The following WDR64 variants were observed in gnomAD, a reference collection of about 807,000 sequenced individuals.
WDR64 encodes WD repeat domain 64.
WDR64 carries 112 observed loss-of-function variants against 139.3 expected under a neutral mutation model. The ratio of observed to expected loss-of-function variants is 0.80; its 90% confidence interval spans 0.69 to 0.94. The LOEUF (loss-of-function observed/expected upper bound fraction) is 0.94, where lower values mean the gene tolerates loss of function less well. Ranked by LOEUF, WDR64 falls within the 40% of genes least tolerant of loss-of-function variation. WDR64 has a pLI of 0.00. For missense variants in WDR64, 1,206 were observed against 1,293.1 expected, an observed-to-expected ratio of 0.93 and a Z score of 1.03; for synonymous variants, 444 against 437.7, an observed-to-expected ratio of 1.01 and a Z score of -0.18.
At position 241,738,594 on chromosome 1, in the gene WDR64, G is replaced by C. The variant is rs1171515133; in HGVS notation, c.1321+105G>C. On this transcript the variant is annotated intron_variant, in intron 11 of 27. Transcript: ENST00000437684. ...CTACAAGGAAAACAAAACTAGAAGG[G>C]TAATTTATCAAACCATGATTCGTGA... The C allele has an allele frequency of 2.6e-6, 3 of 1,173,514 alleles. No individual in the cohort carries two copies. In the East Asian group the frequency reaches 7.9e-5, roughly 31 times the overall value. The allele number at this position is 1,173,514 out of a possible 1,614,324, so 72.7% of individuals were successfully genotyped here.
chr1:241,724,528 T>C (rs879455702), intron 10 of WDR64, among the ~76,000 whole-genome samples: 11 of 152,210 alleles, frequency 7.2e-5, no homozygotes, highest in Admixed American at 1.3e-4. Context: ...GTTTGTTCAA[T>C]AAGTGTTGGG....
At position 241,652,462 on chromosome 1, in the gene WDR64, A is replaced by G. The variant is rs1033236697; in HGVS notation, c.-23A>G. ...ACTTGCAGTATTCTTTCTGTACAGA[A>G]GTAAAAGATCCCCTATGTCCCTATG... On this transcript the variant is annotated 5_prime_UTR_variant, in exon 1 of 28. Coordinates refer to ENST00000437684, the MANE Select transcript of WDR64 (RefSeq NM_001367482.1). The G allele has an allele frequency of 3.0e-5, 46 of 1,548,090 alleles. No homozygotes were observed. Among genetic ancestry groups the G allele is most frequent in the Non-Finnish European group, 4.0e-5 (46 of 1,146,110 alleles).
At chr1:241,708,882 A>G (rs901249428) in intron 8 of WDR64, among the ~76,000 whole-genome samples, 1 of 152,064 alleles carries the variant, frequency 6.6e-6, no homozygotes, top group Non-Finnish European at 1.5e-5. Context: ...CTGATGCACA[A>G]TCAGATTTTG....
At position 241,802,248 on chromosome 1, in the gene WDR64, T is replaced by C; in HGVS notation, c.*1033T>C. 1 of 398,162 alleles carries C rather than the reference T, an allele frequency of 2.5e-6. No homozygotes were observed. The highest frequency in any genetic ancestry group is 4.4e-6 in the Non-Finnish European group (1 of 225,844). The allele number at this position is 398,162 out of a possible 1,614,324, so 24.7% of individuals were successfully genotyped here. On this transcript the variant is annotated 3_prime_UTR_variant, in exon 28 of 28. Coordinates refer to ENST00000437684, the MANE Select transcript of WDR64 (RefSeq NM_001367482.1). ...TAAAATGCTAATGCATGCATTAACA[T>C]AGACCAATCTCAAGAATATGTTAAG...
chr1:241,731,685 G>C (rs1574050545), intron 10 of WDR64, among the ~76,000 whole-genome samples: 1 of 152,270 alleles, frequency 6.6e-6, no homozygotes, highest in East Asian at 1.9e-4. Flanking sequence ...GTTTGAATCT[G>C]TGTACTAGGT....
At chr1:241,731,357 A>G (rs1273074581) in intron 10 of WDR64, among the ~76,000 whole-genome samples, 2 of 151,896 alleles carry the variant, frequency 1.3e-5, no homozygotes, top group African/African-American at 4.8e-5. Flanking sequence ...AAAAAAAAAA[A>G]TGAGATAAAT....
At chr1:241,787,052 C>G (rs1345371499) in intron 23 of WDR64, among the ~76,000 whole-genome samples, 1 of 152,054 alleles carries the variant, frequency 6.6e-6, no homozygotes, top group Non-Finnish European at 1.5e-5. Context: ...TACAGTCTAA[C>G]TGATAAAAAT....
intron 1 of WDR64, among the ~76,000 whole-genome samples, chr1:241,657,704 A>G (rs1665664509): frequency 6.6e-6 from 1 of 152,114 alleles, no homozygotes; most frequent in South Asian, 2.1e-4. Flanking sequence ...CAATTTTATC[A>G]CAGCTCCCTA....
chr1:241,745,175 G>A (rs528077545), intron 13 of WDR64, among the ~76,000 whole-genome samples: 158 of 152,212 alleles, frequency 1.0e-3, no homozygotes, highest in African/African-American at 3.7e-3. Flanking sequence ...CCATATGACC[G>A]ATTGCATGAG....
chr1:241,784,578 G>A lies in WDR64; in HGVS notation c.2705+1197G>A, dbSNP rs1406703239. Among the ~76,000 whole-genome samples, 4 of 152,298 alleles carry A rather than the reference G, an allele frequency of 2.6e-5. No individual in the cohort carries two copies. The East Asian group carries it at 7.7e-4, about 29-fold the overall frequency. On this transcript the variant is annotated intron_variant, in intron 23 of 27. Transcript: ENST00000437684. ...TGTTTAGAATGTGGAAGGATAAAGA[G>A]CTTTAGAACGTTGAATTCAAGATGA...
At chr1:241,717,778 C>A (rs753983354) in intron 9 of WDR64, among the ~76,000 whole-genome samples, 1 of 152,058 alleles carries the variant, frequency 6.6e-6, no homozygotes, top group Admixed American at 6.6e-5. Flanking sequence ...ATTGCTACTA[C>A]TAGATTGTGA....
chr1:241,729,434 A>G (rs1241095852), intron 10 of WDR64, among the ~76,000 whole-genome samples: 1 of 152,212 alleles, frequency 6.6e-6, no homozygotes, highest in Admixed American at 6.5e-5. Flanking sequence ...ATGCCTTACA[A>G]ATAAAGTTCA....
intron 15 of WDR64, among the ~76,000 whole-genome samples, chr1:241,760,759 A>ATTTTTTTTT (rs71174847): frequency 4.6e-5 from 4 of 87,058 alleles, no homozygotes; most frequent in Admixed American, 1.7e-4. Context: ...GTGGGTTTCC[A>ATTTTTTTTT]TTTTTTTTTT....
intron 25 of WDR64, among the ~76,000 whole-genome samples, chr1:241,791,473 T>C (rs1659213269): frequency 6.6e-6 from 1 of 152,082 alleles, no homozygotes; most frequent in African/African-American, 2.4e-5. Context: ...TCAAGACCAG[T>C]CTAGGCAACA....
intron 9 of WDR64, among the ~76,000 whole-genome samples, chr1:241,719,032 T>C (rs1201503824): frequency 1.3e-5 from 2 of 152,186 alleles, no homozygotes; most frequent in African/African-American, 4.8e-5. Context: ...TTCACTCAAT[T>C]GCAATTCTTA....
chr1:241,659,680 A>T (rs546087963), intron 1 of WDR64, among the ~76,000 whole-genome samples: 1 of 151,992 alleles, frequency 6.6e-6, no homozygotes, highest in Admixed American at 6.6e-5. Flanking sequence ...GCTTTTTTTC[A>T]TATATTTGTT....
intron 27 of WDR64, among the ~76,000 whole-genome samples, chr1:241,799,781 T>C (rs530573598): frequency 2.0e-5 from 3 of 152,316 alleles, no homozygotes; most frequent in African/African-American, 7.2e-5. Context: ...CTTATGAGAA[T>C]TAACAATTAA....
intron 15 of WDR64, 88 bp downstream of exon 15, chr1:241,757,547 A>T: frequency 3.2e-6 from 4 of 1,245,140 alleles, no homozygotes; most frequent in Non-Finnish European, 4.4e-6. Context: ...AAATAATACA[A>T]AGAGCTTCTA....
rs115370780 is a variant in WDR64 at position 241,738,899 on chromosome 1, T to C, written c.1321+410T>C. On this transcript the variant is annotated intron_variant, in intron 11 of 27. Transcript: ENST00000437684. ...GTGGGATGTATGTAACTTGTTGCTA[T>C]GTATAGGGCAAATCCAGCTCCCACA... Among the ~76,000 whole-genome samples the C allele has an allele frequency of 9.8e-3, 1,494 of 152,314 alleles. 27 individuals carry two copies. Among genetic ancestry groups the C allele is most frequent in the African/African-American group, 0.034 (1,428 of 41,564 alleles).
Sources: gnomAD v4.1 joint callset for allele counts (sites outside exome capture counted in the v4.1 genomes callset) on GRCh38, gnomAD v4.1.1 for gene constraint, MANE v1.5 for transcripts, NCBI Gene and HGNC (gene_info 2026-07-23, HGNC 2026-07-21) for gene names.